Variants in ABCF1 observed in about 807,000 individuals in gnomAD.
ABCF1 encodes the protein ATP binding cassette subfamily F member 1.
In ABCF1, 73 loss-of-function variants were observed where a neutral mutation model predicts 126.3. The observed-to-expected ratio is 0.58, with a 90% CI of 0.48 to 0.70. The LOEUF (loss-of-function observed/expected upper bound fraction) is 0.70. Ranked by LOEUF, ABCF1 falls within the 30% of genes least tolerant of loss-of-function variation. The pLI, the probability that ABCF1 is intolerant of heterozygous loss-of-function variation, is 0.00. For synonymous variants in ABCF1, 345 were observed against 396.4 expected (o/e 0.87, Z 1.54); for missense variants, 786 against 1,057.5 (o/e 0.74, Z 3.56).
chr6:30,571,523 C>T lies in ABCF1; in HGVS notation c.36C>T (p.Pro12=). Residue 12 remains proline, a synonymous_variant, in exon 1 of 25, where the codon CCC becomes CCT. Coordinates refer to ENST00000326195, the MANE Select transcript of ABCF1 (RefSeq NM_001025091.2). ...PKAPKQQPPE[P]EWIGDGESTS... ...CGCCCAAGCAGCAGCCGCCGGAGCC[C>T]GAGTGGATCGGGGACGGAGAGAGCA... The T allele has an allele frequency of 6.2e-7, 1 of 1,611,180 alleles. No individual in the cohort carries two copies. Among genetic ancestry groups the T allele is most frequent in the South Asian group, 1.1e-5 (1 of 90,876 alleles).
Position 30,584,283 on chromosome 6 carries a change from G to A in ABCF1, c.1194G>A (p.Gln398=). 1 of 1,613,102 alleles carries A rather than the reference G, an allele frequency of 6.2e-7. No homozygotes were observed. The highest frequency in any genetic ancestry group is 8.5e-7 in the Non-Finnish European group (1 of 1,180,036). Reference sequence around the variant, plus strand: ...TGCTGGAAGAGGAGCGGCGGCTTCAGGGACAGCTGGAACAAGGGGATGACA... The same window carrying A: ...TGCTGGAAGAGGAGCGGCGGCTTCAAGGACAGCTGGAACAAGGGGATGACA... ...LKLLEEERRL[Q]GQLEQGDDTA... is the part of the protein sequence containing the mutation. Residue 398 remains glutamine, a synonymous_variant, in exon 13 of 25, where the codon CAG becomes CAA. Transcript: ENST00000326195. The surrounding 1 kb of genome is among the most constrained non-coding windows in gnomAD (Gnocchi z 4.6).
chr6:30,588,589 G>T (rs930259552), intron 20 of ABCF1, among the ~76,000 whole-genome samples: 19 of 151,998 alleles, frequency 1.3e-4, no homozygotes, highest in Non-Finnish European at 2.5e-4. Context: ...TTGATCTCCT[G>T]ACCTCATGAT....
At position 30,586,463 on chromosome 6, in the gene ABCF1, G is replaced by A. The variant is rs781724380; in HGVS notation, c.1886-11G>A. On this transcript the variant is annotated splice_polypyrimidine_tract_variant and intron_variant, in intron 18 of 24. Coordinates refer to ENST00000326195, the MANE Select transcript of ABCF1 (RefSeq NM_001025091.2). This position sits in a 1 kb window ranked among gnomAD's most constrained non-coding sequence, Gnocchi z 4.9. ...AAAAGAATATAAATTGCTTCTTTTC[G>A]TGGCTTTCAGGTGTGACATTCGGCT... The A allele has an allele frequency of 2.0e-5, 33 of 1,613,638 alleles. No individual in the cohort carries two copies. The highest frequency in any genetic ancestry group is 1.2e-4 in the Admixed American group (7 of 59,986).
At position 30,577,419 on chromosome 6, in the gene ABCF1, G is replaced by A. The variant is rs1168833493; in HGVS notation, c.84G>A (p.Val28=). ...CGCTTAACTTTCTAGACAAAGTGGT[G>A]AAGAAAGGGAAGAAGGACAAGAAGA... The part of the protein sequence containing the change: ...GESTSPSDKV[V]KKGKKDKKIK... Residue 28 remains valine (V), a synonymous_variant, in exon 2 of 25, where the codon GTG becomes GTA. Transcript: ENST00000326195. 6.2e-7 allele frequency: 1 copy of A among 1,613,982 alleles called. No individual in the cohort carries two copies. Among genetic ancestry groups the A allele is most frequent in the South Asian group, 1.1e-5 (1 of 91,020 alleles).
Position 30,584,440 on chromosome 6 carries a change from C to T in ABCF1, c.1265C>T (p.Thr422Ile), listed in dbSNP as rs1296192468. The T allele has an allele frequency of 2.5e-6, 4 of 1,613,116 alleles. No homozygotes were observed. Among genetic ancestry groups the T allele is most frequent in the Non-Finnish European group, 3.4e-6 (4 of 1,180,032 alleles). Residue 422 changes from threonine to isoleucine, a missense_variant, in exon 14 of 25, where the codon ACT (threonine) becomes ATT (isoleucine). Physicochemically the swap from Thr to Ile is moderately conservative, Grantham distance 89 (BLOSUM62 -1). This residue lies in a region of ABCF1 where 163 missense variants were observed against 255.3 expected (regional missense o/e 0.64). Coordinates refer to ENST00000326195, the MANE Select transcript of ABCF1 (RefSeq NM_001025091.2). The surrounding 1 kb of genome is among the most constrained non-coding windows in gnomAD (Gnocchi z 4.6). ...LEKVYEELRA[T>I]GAAAAEAKAR... ...CAGGTGTATGAGGAATTGCGGGCCACTGGGGCGGCAGCTGCAGAGGCCAAA... is the reference window on the plus strand; with the variant it reads ...CAGGTGTATGAGGAATTGCGGGCCATTGGGGCGGCAGCTGCAGAGGCCAAA...
In ABCF1 at chr6:30,584,511, A is replaced by G. The variant is rs1802007067; in HGVS notation, c.1336A>G (p.Asn446Asp). ...AGLGFDPEMQ[N>D]RPTQKFSGGW... ...CCTGGGCTTTGACCCTGAAATGCAGAATCGACCCACACAGAAGTTCTCAGG... is the reference window on the plus strand; with the variant it reads ...CCTGGGCTTTGACCCTGAAATGCAGGATCGACCCACACAGAAGTTCTCAGG... Residue 446 changes from asparagine (N) to aspartate (D), a missense_variant, in exon 14 of 25, where the codon AAT becomes GAT. Physicochemically the swap from Asn to Asp is conservative, Grantham distance 23. This residue lies in a region of ABCF1 where 163 missense variants were observed against 255.3 expected (regional missense o/e 0.64). Coordinates refer to ENST00000326195, the MANE Select transcript of ABCF1 (RefSeq NM_001025091.2). The surrounding 1 kb of genome is among the most constrained non-coding windows in gnomAD (Gnocchi z 4.6). The G allele has an allele frequency of 5.6e-6, 9 of 1,612,858 alleles. No homozygotes were observed. The highest frequency in any genetic ancestry group is 7.6e-6 in the Non-Finnish European group (9 of 1,179,954).
chr6:30,583,809 G>C lies in ABCF1; in HGVS notation c.1021G>C (p.Gly341Arg). The stretch of plus-strand genomic sequence containing the variant: ...CTAATAGCTTTTATTCCCCAGCAAG[G>C]GCAAGACCACACTCCTCAAGCACAT... ...RYGLVGPNGK[G>R]KTTLLKHIAN... Residue 341 changes from glycine (G) to arginine (R), a missense_variant, in exon 12 of 25, where the codon GGC (glycine) becomes CGC (arginine). Physicochemically the swap from Gly to Arg is moderately radical, Grantham distance 125 (BLOSUM62 -2). This residue lies in a region of ABCF1 where 163 missense variants were observed against 255.3 expected (regional missense o/e 0.64). Coordinates refer to ENST00000326195, the MANE Select transcript of ABCF1 (RefSeq NM_001025091.2). This position sits in a 1 kb window ranked among gnomAD's most constrained non-coding sequence, Gnocchi z 4.1. 1 of 1,614,110 alleles carries C rather than the reference G, an allele frequency of 6.2e-7. No individual in the cohort carries two copies. Among genetic ancestry groups the C allele is most frequent in the Non-Finnish European group, 8.5e-7 (1 of 1,180,020 alleles).
intron 6 of ABCF1, among the ~76,000 whole-genome samples, chr6:30,579,634 T>G (rs1801700484): frequency 6.6e-6 from 1 of 151,884 alleles, no homozygotes; most frequent in Non-Finnish European, 1.5e-5. Context: ...ATTTTTGTGT[T>G]TTTAGTAGAG....
chr6:30,578,422 T>G (rs1801628324), intron 5 of ABCF1, 37 bp downstream of exon 5: 2 of 1,613,970 alleles, frequency 1.2e-6, no homozygotes, highest in African/African-American at 1.3e-5. Flanking sequence ...ACTCCAAGGA[T>G]GCAACCTTGA....
At chr6:30,588,911 T>C (rs1357972132) in intron 20 of ABCF1, among the ~76,000 whole-genome samples, 2 of 152,182 alleles carry the variant, frequency 1.3e-5, no homozygotes, top group East Asian at 3.9e-4. Context: ...TCCCTCCTGC[T>C]TGTCCCTCTT....
chr6:30,590,302 G>A lies in ABCF1; in HGVS notation c.2299-4G>A, dbSNP rs1802378487. ...TGCTCAGTCATGGAATTCCTCCTAT[G>A]TAGGACGAGCCAACCAATAACCTGG... On this transcript the variant is annotated splice_polypyrimidine_tract_variant and splice_region_variant and intron_variant, in intron 23 of 24. Transcript: ENST00000326195. The A allele has an allele frequency of 3.1e-6, 5 of 1,611,968 alleles. No individual in the cohort carries two copies. The highest frequency in any genetic ancestry group is 1.1e-5 in the South Asian group (1 of 91,012).
chr6:30,579,657 C>G (rs757050345), intron 6 of ABCF1, among the ~76,000 whole-genome samples: 43 of 151,940 alleles, frequency 2.8e-4, no homozygotes, highest in Non-Finnish European at 4.7e-4. Context: ...AGGGTTTCAC[C>G]ATGTTGACCA....
intron 1 of ABCF1, among the ~76,000 whole-genome samples, chr6:30,575,667 C>A (rs1158744018): frequency 6.6e-6 from 1 of 151,940 alleles, no homozygotes; most frequent in African/African-American, 2.4e-5. Flanking sequence ...AAATATGACA[C>A]AATGTGATTT....
rs1475372825 is a variant in ABCF1 at position 30,574,542 on chromosome 6, T to C, written c.74-2867T>C. 6.6e-6 allele frequency among the ~76,000 whole-genome samples: 1 copy of C among 152,202 alleles called. No homozygotes were observed. The highest frequency in any genetic ancestry group is 1.5e-5 in the Non-Finnish European group (1 of 68,040). On this transcript the variant is annotated intron_variant, in intron 1 of 24. Coordinates refer to ENST00000326195, the MANE Select transcript of ABCF1 (RefSeq NM_001025091.2). This position sits in a 1 kb window ranked among gnomAD's most constrained non-coding sequence, Gnocchi z 4.3. ...CATCTGTGTTGATAAGGTGAGCTGA[T>C]CAGGTTTTTCCTTCTTAGGTACTTC...
chr6:30,583,695 G>A lies in ABCF1; in HGVS notation c.1003G>A (p.Val335Ile). The A allele has an allele frequency of 6.2e-7, 1 of 1,614,094 alleles. No individual in the cohort carries two copies. Among genetic ancestry groups the A allele is most frequent in the Non-Finnish European group, 8.5e-7 (1 of 1,179,966 alleles). Residue 335 changes from valine to isoleucine, a missense_variant, in exon 11 of 25, where the codon GTA (valine) becomes ATA (isoleucine). Val to Ile is a conservative substitution (Grantham distance 29, BLOSUM62 3). Around this residue, in one of 4 missense-constraint regions of ABCF1, gnomAD observed 163 missense variants for 255.3 expected, o/e 0.64. Transcript: ENST00000326195. This position sits in a 1 kb window ranked among gnomAD's most constrained non-coding sequence, Gnocchi z 4.1. ...YIVAGRRYGL[V>I]GPNGKGKTTL... The stretch of plus-strand genomic sequence containing the variant: ...TGTAGCCGGCCGCCGCTACGGGCTG[G>A]TAGGACCCAATGGGTGAGAAGAGGA...
intron 20 of ABCF1, among the ~76,000 whole-genome samples, chr6:30,588,239 C>T (rs6918685): frequency 0.014 from 2,092 of 152,206 alleles, 25 homozygotes; most frequent in Middle Eastern, 0.034. Flanking sequence ...ATATCTTTCT[C>T]CTTTTTTCTT....
Position 30,585,917 on chromosome 6 carries a change from C to T in ABCF1, c.1639C>T (p.Leu547=). 1 of 1,609,870 alleles carries T rather than the reference C, an allele frequency of 6.2e-7. No homozygotes were observed. ...GATGTACCAGCAGAAGCAGAAAGAA[C>T]TGCTGAAACAGTATGAGAAGCAAGA... ...KKMYQQKQKE[L]LKQYEKQEKK... is the part of the protein sequence containing the mutation. The change falls in exon 17 of 25, where the codon CTG becomes TTG. Residue 547 remains leucine (L), a synonymous_variant. Coordinates refer to ENST00000326195, the MANE Select transcript of ABCF1 (RefSeq NM_001025091.2).
At chr6:30,576,581 G>A (rs1801514727) in intron 1 of ABCF1, among the ~76,000 whole-genome samples, 1 of 152,020 alleles carries the variant, frequency 6.6e-6, no homozygotes, top group East Asian at 1.9e-4. Context: ...GAGCCACCGC[G>A]CCCGGCCGGG....
rs2127414036 is a variant in ABCF1, at chr6:30,584,744, A to G, written c.1391+178A>G. 6.6e-6 allele frequency among the ~76,000 whole-genome samples: 1 copy of G among 152,184 alleles called. No homozygotes were observed. Among genetic ancestry groups the G allele is most frequent in the Non-Finnish European group, 1.5e-5 (1 of 67,994 alleles). On this transcript the variant is annotated intron_variant, in intron 14 of 24. Coordinates refer to ENST00000326195, the MANE Select transcript of ABCF1 (RefSeq NM_001025091.2). This position sits in a 1 kb window ranked among gnomAD's most constrained non-coding sequence, Gnocchi z 4.6. ...CTATTTATCTCCCTACTTGGTGGTG[A>G]GTTCTCATCAACATACCCTGCAGCT...
Sources: allele counts gnomAD v4.1 joint callset (sites outside exome capture counted in the v4.1 genomes callset), GRCh38; gene constraint gnomAD v4.1.1; regional missense constraint gnomAD v4.1.1; non-coding constraint Gnocchi (gnomAD v3.1); transcripts MANE v1.5; gene names NCBI Gene and HGNC (gene_info 2026-07-23, HGNC 2026-07-21).